The following CTNNA3 variants were observed in gnomAD, a reference collection of about 807,000 sequenced individuals.
CTNNA3 encodes catenin alpha 3, also known as catenin alpha-3.
Under a neutral mutation model 95.7 loss-of-function variants are expected in CTNNA3, and 76 were observed. The observed-to-expected ratio is 0.79, with a 90% confidence interval of 0.66 to 0.96. The LOEUF (loss-of-function observed/expected upper bound fraction) is 0.96, where lower values mean the gene tolerates loss of function less well. Ranked by LOEUF, CTNNA3 falls within the 40% of genes least tolerant of loss-of-function variation. The probability of loss-of-function intolerance (pLI) is 0.00; values close to 1 mark genes in which losing one functional copy is unlikely to be tolerated. For missense variants in CTNNA3, 1,191 were observed against 1,089.8 expected (o/e 1.09, Z -1.31); for synonymous variants, 431 against 374.4 (o/e 1.15, Z -1.74).
rs187263538 is a variant in CTNNA3, at chr10:67,689,596, G to A, written c.-6+6404C>T. Among the ~76,000 whole-genome samples the A allele has an allele frequency of 2.0e-5, 3 of 152,204 alleles. No individual in the cohort carries two copies. The East Asian group carries it at 5.8e-4, about 29-fold the overall frequency. On this transcript the variant is annotated intron_variant, in intron 1 of 17. Transcript: ENST00000433211. Reference sequence around the variant, plus strand: ...GGATAGATGGGCAAGTCTCGCTTGGGTGACATGATTTTGAGAGTTCCACTC... The same window carrying A: ...GGATAGATGGGCAAGTCTCGCTTGGATGACATGATTTTGAGAGTTCCACTC...
intron 9 of CTNNA3, among the ~76,000 whole-genome samples, chr10:66,636,471 A>T (rs1845341243): frequency 6.6e-6 from 1 of 152,000 alleles, no homozygotes. Flanking sequence ...AGGAGGGAGG[A>T]GTAAGAAGGG....
At chr10:67,464,621 G>A (rs933927867) in intron 5 of CTNNA3, among the ~76,000 whole-genome samples, 7 of 152,080 alleles carry the variant, frequency 4.6e-5, no homozygotes, top group Admixed American at 2.0e-4. Context: ...ATTCATTAAA[G>A]CTAAAGGACA....
chr10:67,191,711 AATTCTAACAGT>A (rs2132176206), intron 6 of CTNNA3, among the ~76,000 whole-genome samples: 1 of 152,072 alleles, frequency 6.6e-6, no homozygotes, highest in Admixed American at 6.6e-5. Context: ...TCTATGTCAA[AATTCTAACAGT>A]ATTCTTCAAA....
intron 11 of CTNNA3, among the ~76,000 whole-genome samples, chr10:66,382,106 G>C (rs972224676): frequency 6.6e-6 from 1 of 152,096 alleles, no homozygotes; most frequent in East Asian, 1.9e-4. Context: ...CTCACAAGGG[G>C]TGAGCTGAAG....
chr10:66,300,269 T>C (rs1226776823), intron 12 of CTNNA3, among the ~76,000 whole-genome samples: 1 of 152,120 alleles, frequency 6.6e-6, no homozygotes, highest in Non-Finnish European at 1.5e-5. Flanking sequence ...CTAAAATTAC[T>C]GGGCAAAGCA....
At chr10:66,107,954 G>C (rs552747260) in intron 13 of CTNNA3, among the ~76,000 whole-genome samples, 5 of 151,798 alleles carry the variant, frequency 3.3e-5, no homozygotes, top group Non-Finnish European at 5.9e-5. Flanking sequence ...TAATTCACTG[G>C]CTAGCTTTCA....
chr10:66,900,754 G>T (rs1241197284), intron 7 of CTNNA3, among the ~76,000 whole-genome samples: 1 of 152,104 alleles, frequency 6.6e-6, no homozygotes, highest in Non-Finnish European at 1.5e-5. Context: ...TAGCCAATTC[G>T]ATCAAGTGGA....
intron 13 of CTNNA3, among the ~76,000 whole-genome samples, chr10:66,265,429 C>A (rs954977644): frequency 6.6e-6 from 1 of 151,838 alleles, no homozygotes; most frequent in Non-Finnish European, 1.5e-5. Flanking sequence ...TTGGATCATG[C>A]CCCTCCCCTG....
chr10:67,467,712 T>G (rs543308519), intron 5 of CTNNA3, among the ~76,000 whole-genome samples: 1 of 151,496 alleles, frequency 6.6e-6, no homozygotes, highest in South Asian at 2.1e-4. Context: ...TTTTATTTAT[T>G]ATTATTATTA....
intron 11 of CTNNA3, among the ~76,000 whole-genome samples, chr10:66,499,650 A>T (rs948283409): frequency 6.6e-6 from 1 of 152,130 alleles, no homozygotes; most frequent in Non-Finnish European, 1.5e-5. Context: ...ATTGTCTTAG[A>T]GAATTTGAGC....
At chr10:66,441,785 A>G (rs4492695) in intron 11 of CTNNA3, among the ~76,000 whole-genome samples, 30,857 of 152,168 alleles carry the variant, frequency 0.2, 3,473 homozygotes, top group South Asian at 0.3. Context: ...GTGGATGGCA[A>G]TCTAATGTAT....
intron 9 of CTNNA3, among the ~76,000 whole-genome samples, chr10:66,695,559 A>T (rs1354458923): frequency 6.6e-6 from 1 of 152,212 alleles, no homozygotes; most frequent in Non-Finnish European, 1.5e-5. Context: ...ATACACATAG[A>T]AATAGACACA....
At chr10:66,079,136 A>G (rs2133635628) in intron 14 of CTNNA3, 1 of 152,102 alleles carries the variant, frequency 6.6e-6, no homozygotes, top group South Asian at 2.1e-4. Flanking sequence ...TTATTGTATT[A>G]TAGCATAGTA....
intron 17 of CTNNA3, among the ~76,000 whole-genome samples, chr10:65,959,293 C>T (rs1174270744): frequency 2.6e-5 from 4 of 152,294 alleles, no homozygotes; most frequent in South Asian, 2.1e-4. Flanking sequence ...CCATCTGTCA[C>T]ATCTTCCCTT....
intron 15 of CTNNA3, among the ~76,000 whole-genome samples, chr10:66,065,139 G>T (rs912718212): frequency 2.0e-5 from 3 of 151,980 alleles, no homozygotes; most frequent in Non-Finnish European, 4.4e-5. Flanking sequence ...CTTTACCCTG[G>T]GTGGCCAAAA....
chr10:66,105,250 C>T (rs573807760), intron 13 of CTNNA3, among the ~76,000 whole-genome samples: 12 of 152,262 alleles, frequency 7.9e-5, no homozygotes, highest in Admixed American at 2.6e-4. Context: ...AAGTTCATTA[C>T]GATGTAATTT....
chr10:67,135,401 A>T lies in CTNNA3; in HGVS notation c.1047+44916T>A, dbSNP rs571993958. Among the ~76,000 whole-genome samples, 81 of 152,318 alleles carry T rather than the reference A, an allele frequency of 5.3e-4. 1 individual carries two copies. Among genetic ancestry groups the T allele is most frequent in the African/African-American group, 1.9e-3 (79 of 41,586 alleles). On this transcript the variant is annotated intron_variant, in intron 7 of 17. Transcript: ENST00000433211. ...ACAACAATGGACATACAGGTAAGTC[A>T]CAATGGCTCATGCCTGCAATCCCAG... is the stretch of plus-strand genomic sequence containing the variant.
At chr10:67,028,711 A>C (rs1379102909) in intron 7 of CTNNA3, among the ~76,000 whole-genome samples, 1 of 152,086 alleles carries the variant, frequency 6.6e-6, no homozygotes, top group African/African-American at 2.4e-5. Context: ...ACTATTTAGA[A>C]CATTTAAAAT....
At chr10:67,104,237 C>T (rs1398311883) in intron 7 of CTNNA3, among the ~76,000 whole-genome samples, 1 of 151,762 alleles carries the variant, frequency 6.6e-6, no homozygotes, top group African/African-American at 2.4e-5. Context: ...AATCTACAGT[C>T]GCAAACTGTA....
Sources: gnomAD v4.1 joint callset for allele counts (sites outside exome capture counted in the v4.1 genomes callset) on GRCh38, gnomAD v4.1.1 for gene constraint, MANE v1.5 for transcripts, NCBI Gene and HGNC (gene_info 2026-07-23, HGNC 2026-07-21) for gene names.